The following SUGP2 variants were observed in gnomAD, a reference collection of about 807,000 sequenced individuals.
SUGP2 encodes the protein SURP and G-patch domain containing 2.
SUGP2 carries 24 observed loss-of-function variants against 90.5 expected under a neutral mutation model. That is an observed-to-expected ratio of 0.27 (90% CI 0.19 to 0.37). The LOEUF is 0.37. Among genes scored for constraint, SUGP2 ranks in the 10% least tolerant of loss-of-function variants. The probability of loss-of-function intolerance (pLI) is 1.00; values close to 1 mark genes in which losing one functional copy is unlikely to be tolerated. For synonymous variants in SUGP2, 473 were observed against 513.4 expected (o/e 0.92, Z 1.06); for missense variants, 1,233 against 1,363.3 (o/e 0.90, Z 1.51).
rs2057530901 is a variant in SUGP2, at chr19:18,995,300, C to T, written c.2992-20G>A. Reference sequence around the variant, plus strand: ...GGGTTTCTGAGGAGAGAGGAGAGTCCAGGCATGTGGGCCACAGGGAGATGC... The same window carrying T: ...GGGTTTCTGAGGAGAGAGGAGAGTCTAGGCATGTGGGCCACAGGGAGATGC... On this transcript the variant is annotated intron_variant, in intron 8 of 10. Transcript: ENST00000452918. 1 of 1,583,512 alleles carries T rather than the reference C, an allele frequency of 6.3e-7. No homozygotes were observed. Among genetic ancestry groups the T allele is most frequent in the Non-Finnish European group, 8.6e-7 (1 of 1,164,316 alleles).
intron 4 of SUGP2, among the ~76,000 whole-genome samples, chr19:19,016,732 C>T (rs1202334120): frequency 6.6e-6 from 1 of 152,154 alleles, no homozygotes; most frequent in African/African-American, 2.4e-5. Flanking sequence ...AGAGACCTGC[C>T]TCCCAACGTT....
At chr19:19,012,209 G>A (rs533044992) in intron 4 of SUGP2, among the ~76,000 whole-genome samples, 3 of 152,304 alleles carry the variant, frequency 2.0e-5, no homozygotes, top group South Asian at 4.2e-4. Context: ...TTGGGCTAAC[G>A]GTGGCATCCT....
At position 19,010,254 on chromosome 19, in the gene SUGP2, C is replaced by A. The variant is rs1414494173; in HGVS notation, c.1939G>T (p.Ala647Ser). 5.6e-6 allele frequency: 9 copies of A among 1,614,076 alleles called. No homozygotes were observed. Among genetic ancestry groups the A allele is most frequent in the Non-Finnish European group, 7.6e-6 (9 of 1,180,032 alleles). ...MQRMSENLRG[A>S]DQKPTSADCA... The stretch of plus-strand genomic sequence containing the variant: ...TCTGCTGAGGTCGGCTTCTGGTCGG[C>A]TCCTCGCAAGTTCTCGCTCATCCGC... The change falls in exon 5 of 11, where the codon GCC becomes TCC. Residue 647 changes from alanine (A) to serine (S), a missense_variant. Ala to Ser is a moderately conservative substitution (Grantham distance 99, BLOSUM62 1). Around this residue, in one of 8 missense-constraint regions of SUGP2, gnomAD observed 540 missense variants for 542.6 expected, o/e 1.00. Coordinates refer to ENST00000452918, the MANE Select transcript of SUGP2 (RefSeq NM_001017392.5).
At chr19:19,017,801 G>A (rs1310076245) in intron 4 of SUGP2, among the ~76,000 whole-genome samples, 1 of 151,984 alleles carries the variant, frequency 6.6e-6, no homozygotes, top group African/African-American at 2.4e-5. Flanking sequence ...AAAAAGTGCT[G>A]CAGCTGAGAA....
In SUGP2 at chr19:19,001,612, C is replaced by T; in HGVS notation, c.2991+1G>A. 6.2e-7 allele frequency: 1 copy of T among 1,614,216 alleles called. No homozygotes were observed. The highest frequency in any genetic ancestry group is 8.5e-7 in the Non-Finnish European group (1 of 1,180,026). ...TGAGGACTACCAATGATTACGCTCA[C>T]CTTCTTTTTGGACATGGGACGACCC... On this transcript the variant is annotated splice_donor_variant, in intron 8 of 10. Transcript: ENST00000452918. LOFTEE classifies it high-confidence loss of function.
chr19:19,008,387 A>C lies in SUGP2; in HGVS notation c.2380T>G (p.Phe794Val). The C allele has an allele frequency of 6.2e-7, 1 of 1,614,186 alleles. No homozygotes were observed. The highest frequency in any genetic ancestry group is 8.5e-7 in the Non-Finnish European group (1 of 1,180,036). ...TMETAEKLAR[F>V]VAQVGPEIEQ... ...ATCTCTGGTCCCACCTGAGCAACAA[A>C]TCTAGCCAGTTTCTCTGCAGTCTCC... The change falls in exon 6 of 11, where the codon TTT (phenylalanine) becomes GTT (valine). Residue 794 changes from phenylalanine (F) to valine (V), a missense_variant. Transcript: ENST00000452918.
At chr19:18,994,303 T>C in intron 10 of SUGP2, 63 bp downstream of exon 10, 1 of 1,562,350 alleles carries the variant, frequency 6.4e-7, no homozygotes, top group Non-Finnish European at 8.7e-7. Context: ...TTGGGGGAAA[T>C]TTCTCTGCAT....
Position 19,027,196 on chromosome 19 carries a change from G to A in SUGP2, c.122-970C>T, listed in dbSNP as rs185503046. On this transcript the variant is annotated intron_variant, in intron 2 of 10. Coordinates refer to ENST00000452918, the MANE Select transcript of SUGP2 (RefSeq NM_001017392.5). Reference sequence around the variant, plus strand: ...TGGAGAAACTGTAAGAAGCGAGGAAGAGAAGTGAACTACGGGCATATGAGA... The same window carrying A: ...TGGAGAAACTGTAAGAAGCGAGGAAAAGAAGTGAACTACGGGCATATGAGA... 1.4e-4 allele frequency among the ~76,000 whole-genome samples: 22 copies of A among 152,324 alleles called. No homozygotes were observed. In the East Asian group the frequency reaches 4.2e-3, roughly 29 times the overall value.
At chr19:19,033,296 C>A in intron 1 of SUGP2, 141 bp downstream of exon 1, 2 of 993,226 alleles carry the variant, frequency 2.0e-6, no homozygotes, top group Non-Finnish European at 1.2e-6. Flanking sequence ...CCAGGCCAAC[C>A]CGGCGGGGAC....
chr19:19,032,156 C>CTTTTTTTTTT (rs71168792), intron 1 of SUGP2, among the ~76,000 whole-genome samples: 2 of 143,678 alleles, frequency 1.4e-5, no homozygotes. Context: ...AGAGATCAAT[C>CTTTTTTTTTT]TTTTTTTTTT....
chr19:19,022,024 C>T (rs551409401), intron 3 of SUGP2, among the ~76,000 whole-genome samples: 52 of 151,314 alleles, frequency 3.4e-4, no homozygotes, highest in African/African-American at 8.0e-4. Flanking sequence ...CTCGCTCTGT[C>T]GCCAGGCTGG....
intron 5 of SUGP2, 150 bp downstream of exon 5, chr19:19,009,705 C>T (rs929361520): frequency 3.6e-5 from 35 of 974,842 alleles, no homozygotes; most frequent in Non-Finnish European, 5.0e-5. Flanking sequence ...AGAGAGAAAG[C>T]GCCAACATGT....
intron 8 of SUGP2, among the ~76,000 whole-genome samples, chr19:18,996,153 T>C (rs1296985481): frequency 2.0e-5 from 3 of 152,090 alleles, no homozygotes; most frequent in South Asian, 2.1e-4. Flanking sequence ...TCTCAGCAGT[T>C]TGGGAGGCCG....
intron 9 of SUGP2, 38 bp downstream of exon 9, chr19:18,995,106 G>GCGCCCC: frequency 6.3e-7 from 1 of 1,584,886 alleles, no homozygotes; most frequent in Non-Finnish European, 8.6e-7. Flanking sequence ...AAGGACTGAG[G>GCGCCCC]CCCCACCCAC....
intron 3 of SUGP2, among the ~76,000 whole-genome samples, chr19:19,023,532 C>G (rs763364111): frequency 1.3e-5 from 2 of 152,092 alleles, no homozygotes; most frequent in Non-Finnish European, 2.9e-5. Flanking sequence ...CCCTCAGGAG[C>G]CTGGGGATTC....
chr19:19,015,160 C>A (rs977948851), intron 4 of SUGP2, among the ~76,000 whole-genome samples: 2 of 151,718 alleles, frequency 1.3e-5, no homozygotes, highest in African/African-American at 4.8e-5. Flanking sequence ...CAAGATCCCG[C>A]CACTGCACTC....
intron 2 of SUGP2, among the ~76,000 whole-genome samples, chr19:19,027,989 C>G (rs1367215165): frequency 2.0e-5 from 3 of 152,098 alleles, no homozygotes. Flanking sequence ...GGAGCCAGAC[C>G]GTACAGTTAC....
intron 5 of SUGP2, among the ~76,000 whole-genome samples, chr19:19,009,026 C>T (rs946953761): frequency 3.3e-5 from 5 of 152,198 alleles, no homozygotes; most frequent in African/African-American, 1.2e-4. Flanking sequence ...ATTCTCCTAG[C>T]TCAGCCTCCC....
At chr19:18,998,728 G>A in intron 8 of SUGP2, among the ~76,000 whole-genome samples, 1 of 152,118 alleles carries the variant, frequency 6.6e-6, no homozygotes, top group Non-Finnish European at 1.5e-5. Flanking sequence ...GGCGGTGTGG[G>A]CAGAAGTGTC....
Sources: gnomAD v4.1 joint callset for allele counts (sites outside exome capture counted in the v4.1 genomes callset) on GRCh38, gnomAD v4.1.1 for gene constraint, gnomAD v4.1.1 regional missense constraint, MANE v1.5 for transcripts, NCBI Gene and HGNC (gene_info 2026-07-23, HGNC 2026-07-21) for gene names.